The following GPRIN1 variants were observed in gnomAD, a reference collection of about 807,000 sequenced individuals.
GPRIN1 encodes G protein regulated inducer of neurite outgrowth 1.
In GPRIN1, 4 loss-of-function variants were observed where a neutral mutation model predicts 2.8. That is an observed-to-expected ratio of 1.45 (90% confidence interval 0.71 to 3.32). The LOEUF (loss-of-function observed/expected upper bound fraction) is 3.32, where lower values mean the gene tolerates loss of function less well. GPRIN1 is among the 30% of genes most tolerant of loss of function. The pLI is 0.01. For missense variants in GPRIN1, 1,322 were observed against 1,343.4 expected, an observed-to-expected ratio of 0.98 and a Z score of 0.25; for synonymous variants, 589 against 589.9, an observed-to-expected ratio of 1.00 and a Z score of 0.02.
Position 176,599,782 on chromosome 5 carries a change from C to A in GPRIN1, c.53G>T (p.Ser18Ile). ...AWLQLLQKDS[S>I]PPGPRPTAFF... ...GGCTGTGGGTCGGGGTCCTGGGGGG[C>A]TGGAATCCTTTTGAAGCAGCTGGAG... Residue 18 changes from serine to isoleucine, a missense_variant, in exon 2 of 2, where the codon AGC (serine) becomes ATC (isoleucine). Ser to Ile is a moderately radical substitution (Grantham distance 142). Transcript: ENST00000303991. 6.6e-7 allele frequency: 1 copy of A among 1,509,534 alleles called. No individual in the cohort carries two copies. The highest frequency in any genetic ancestry group is 8.9e-7 in the Non-Finnish European group (1 of 1,128,098). The allele number at this position is 1,509,534 out of a possible 1,614,324, so 93.5% of individuals were successfully genotyped here. A position where few individuals can be genotyped will look rare whatever the true frequency, so the allele number is the denominator to read the frequency against.
In GPRIN1 at chr5:176,599,400, T is replaced by C; in HGVS notation, c.435A>G (p.Arg145=). ...CCATCTTCTCTAAGAACATGGGATT[T>C]CTGTCATCTGAGGATTTGGGCTCAG... ...VKTEPKSSDD[R]NPMFLEKMDF... is the part of the protein sequence containing the mutation. The change falls in exon 2 of 2, where the codon AGA becomes AGG. Residue 145 remains arginine, a synonymous_variant. Transcript: ENST00000303991. 1 of 1,614,250 alleles carries C rather than the reference T, an allele frequency of 6.2e-7. No individual in the cohort carries two copies.
intron 1 of GPRIN1, among the ~76,000 whole-genome samples, chr5:176,608,842 G>GCAAATA (rs1276282304): frequency 6.6e-6 from 1 of 152,224 alleles, no homozygotes; most frequent in African/African-American, 2.4e-5. Flanking sequence ...CCAAGCACCT[G>GCAAATA]CAAATACCTC....
chr5:176,598,437 G>A lies in GPRIN1; in HGVS notation c.1398C>T (p.Pro466=). ...ATGTCTTTCTACTTCCAGCAGATAT[G>A]GGGTCCTCCCTTCTGGAGGACACCG... The part of the protein sequence containing the change: ...EDPVSSRRED[P]ISAGSRKTSS... The change falls in exon 2 of 2, where the codon CCC becomes CCT. Residue 466 remains proline, a synonymous_variant. Coordinates refer to ENST00000303991, the MANE Select transcript of GPRIN1 (RefSeq NM_052899.3). The A allele has an allele frequency of 6.2e-7, 1 of 1,614,058 alleles. No homozygotes were observed. The highest frequency in any genetic ancestry group is 8.5e-7 in the Non-Finnish European group (1 of 1,180,008).
intron 1 of GPRIN1, among the ~76,000 whole-genome samples, chr5:176,601,781 C>A (rs2065468745): frequency 6.6e-6 from 1 of 152,158 alleles, no homozygotes; most frequent in South Asian, 2.1e-4. Flanking sequence ...CACCCCACGT[C>A]TATCAGCAAA....
intron 1 of GPRIN1, among the ~76,000 whole-genome samples, chr5:176,601,251 C>T (rs1165799456): frequency 6.6e-6 from 1 of 152,172 alleles, no homozygotes; most frequent in African/African-American, 2.4e-5. Flanking sequence ...GGAGGCTGGG[C>T]TGAAGGAGCA....
In GPRIN1 at chr5:176,599,552, A is replaced by G; in HGVS notation, c.283T>C (p.Ser95Pro). 1 of 1,590,328 alleles carries G rather than the reference A, an allele frequency of 6.3e-7. No individual in the cohort carries two copies. Among genetic ancestry groups the G allele is most frequent in the Non-Finnish European group, 8.6e-7 (1 of 1,168,222 alleles). The part of the protein sequence containing the change: ...DGPRGSLACP[S>P]PTCFSPQESP... The stretch of plus-strand genomic sequence containing the variant: ...TCCTGGGGAGAGAAGCAGGTTGGGG[A>G]GGGGCAGGCCAGGCTCCCTCTGGGG... Residue 95 changes from serine to proline, a missense_variant, in exon 2 of 2, where the codon TCC becomes CCC. Ser to Pro is a moderately conservative substitution (Grantham distance 74). Around this residue, in one of 3 missense-constraint regions of GPRIN1, gnomAD observed 1,117 missense variants for 1,128.6 expected, o/e 0.99. Coordinates refer to ENST00000303991, the MANE Select transcript of GPRIN1 (RefSeq NM_052899.3).
At position 176,597,212 on chromosome 5, in the gene GPRIN1, G is replaced by T; in HGVS notation, c.2623C>A (p.Pro875Thr). Residue 875 changes from proline (P) to threonine (T), a missense_variant, in exon 2 of 2, where the codon CCC (proline) becomes ACC (threonine). Transcript: ENST00000303991. The surrounding 1 kb of genome is among the most constrained non-coding windows in gnomAD (Gnocchi z 6.1). Reference protein sequence around the residue: ...AAETRSVATGPMTPQAAAPPA... With the variant: ...AAETRSVATGTMTPQAAAPPA... The stretch of plus-strand genomic sequence containing the variant: ...GGCGCGGCGGCTTGAGGTGTCATGG[G>T]CCCAGTGGCCACGGAGCGCGTCTCG... The T allele has an allele frequency of 7.0e-6, 9 of 1,284,308 alleles. No individual in the cohort carries two copies. Among genetic ancestry groups the T allele is most frequent in the Non-Finnish European group, 7.9e-6 (8 of 1,016,406 alleles). The allele number at this position is 1,284,308 out of a possible 1,614,324, so 79.6% of individuals were successfully genotyped here. A position where few individuals can be genotyped will look rare whatever the true frequency, so the allele number is the denominator to read the frequency against.
At chr5:176,606,153 G>A (rs1759217484) in intron 1 of GPRIN1, among the ~76,000 whole-genome samples, 1 of 152,106 alleles carries the variant, frequency 6.6e-6, no homozygotes, top group South Asian at 2.1e-4. Flanking sequence ...CTCCTCCTTG[G>A]GGACCCTGAA....
Position 176,597,716 on chromosome 5 carries a change from A to G in GPRIN1, c.2119T>C (p.Leu707=), listed in dbSNP as rs1430878802. The change falls in exon 2 of 2, where the codon TTG becomes CTG. Residue 707 remains leucine (L), a synonymous_variant. Transcript: ENST00000303991. The surrounding 1 kb of genome is among the most constrained non-coding windows in gnomAD (Gnocchi z 6.1). The part of the protein sequence containing the change: ...APSRKTESPS[L]GKVVPLSLEK... Reference sequence around the variant, plus strand: ...AGACTCAGGGGGACCACCTTCCCCAAGGATGGGGACTCCGTTTTTCTGGAA... The same window carrying G: ...AGACTCAGGGGGACCACCTTCCCCAGGGATGGGGACTCCGTTTTTCTGGAA... 6.3e-7 allele frequency: 1 copy of G among 1,596,812 alleles called. No homozygotes were observed. The highest frequency in any genetic ancestry group is 1.1e-5 in the South Asian group (1 of 89,504).
At chr5:176,605,468 A>G (rs6883345) in intron 1 of GPRIN1, among the ~76,000 whole-genome samples, 3,482 of 152,220 alleles carry the variant, frequency 0.023, 139 homozygotes, top group African/African-American at 0.079. Context: ...CCCTTGGCCT[A>G]TGGAAAAGGA....
Position 176,602,656 on chromosome 5 carries a change from C to G in GPRIN1, c.-43-2779G>C, listed in dbSNP as rs1233380210. On this transcript the variant is annotated intron_variant, in intron 1 of 1. Coordinates refer to ENST00000303991, the MANE Select transcript of GPRIN1 (RefSeq NM_052899.3). This position sits in a 1 kb window ranked among gnomAD's most constrained non-coding sequence, Gnocchi z 4.4. Reference sequence around the variant, plus strand: ...TACAACGCGCATAGCATTTGAGCCACCAAGCCCACCTCTAAGCATGGTCCT... The same window carrying G: ...TACAACGCGCATAGCATTTGAGCCAGCAAGCCCACCTCTAAGCATGGTCCT... Among the ~76,000 whole-genome samples the G allele has an allele frequency of 6.6e-6, 1 of 152,196 alleles. No homozygotes were observed. Among genetic ancestry groups the G allele is most frequent in the African/African-American group, 2.4e-5 (1 of 41,444 alleles).
Position 176,598,993 on chromosome 5 carries a change from A to AC in GPRIN1, c.841dup (p.Val281GlyfsTer192). 1 of 1,614,058 alleles carries AC rather than the reference A, an allele frequency of 6.2e-7. No individual in the cohort carries two copies. Among genetic ancestry groups the AC allele is most frequent in the Non-Finnish European group, 8.5e-7 (1 of 1,179,976 alleles). ...TCTCTTTCCCGACAATACAAGATCT[A>AC]CCTTTTCTGCAGATGTAGGAGCGAC... On this transcript the variant is annotated frameshift_variant, in exon 2 of 2. Transcript: ENST00000303991. LOFTEE classifies it low-confidence loss of function (END_TRUNC).
At chr5:176,605,490 A>G (rs1405263361) in intron 1 of GPRIN1, among the ~76,000 whole-genome samples, 1 of 152,194 alleles carries the variant, frequency 6.6e-6, no homozygotes, top group Non-Finnish European at 1.5e-5. Context: ...GTTATAAGCC[A>G]GGGTGACCGG....
In GPRIN1 at chr5:176,598,504, G is replaced by T; in HGVS notation, c.1331C>A (p.Ser444Tyr). ...GGATACAGTTCCTGCCTTTCCCACA[G>T]ACACACGCTCTGCCTGTCCAGGAGA... ...LLSPGQAERV[S>Y]VGKAGTVSPG... Residue 444 changes from serine to tyrosine, a missense_variant, in exon 2 of 2, where the codon TCT becomes TAT. Transcript: ENST00000303991. 3.7e-6 allele frequency: 6 copies of T among 1,614,148 alleles called. No homozygotes were observed. Among genetic ancestry groups the T allele is most frequent in the South Asian group, 1.1e-5 (1 of 91,082 alleles).
intron 1 of GPRIN1, among the ~76,000 whole-genome samples, chr5:176,608,764 T>A (rs954384261): frequency 1.3e-5 from 2 of 152,266 alleles, no homozygotes; most frequent in African/African-American, 4.8e-5. Context: ...TGGCCAGCCA[T>A]TCCTTTCCCT....
At chr5:176,603,572 G>A (rs1759178981) in intron 1 of GPRIN1, among the ~76,000 whole-genome samples, 1 of 152,174 alleles carries the variant, frequency 6.6e-6, no homozygotes, top group African/African-American at 2.4e-5. Flanking sequence ...GTGGGGGAGG[G>A]GGACCATCAC....
At position 176,598,468 on chromosome 5, in the gene GPRIN1, T is replaced by C; in HGVS notation, c.1367A>G (p.Glu456Gly). ...GKAGTVSPGK[E>G]DPVSSRREDP... ...CTCCCTTCTGGAGGACACCGGGTCC[T>C]CTTTTCCTGGGGATACAGTTCCTGC... is the stretch of plus-strand genomic sequence containing the variant. Residue 456 changes from glutamate (E) to glycine (G), a missense_variant, in exon 2 of 2, where the codon GAG becomes GGG. By Grantham distance (98) the Glu-to-Gly change is moderately conservative. Transcript: ENST00000303991. 1 of 1,614,130 alleles carries C rather than the reference T, an allele frequency of 6.2e-7. No individual in the cohort carries two copies. Among genetic ancestry groups the C allele is most frequent in the Non-Finnish European group, 8.5e-7 (1 of 1,180,026 alleles).
At chr5:176,605,198 A>G (rs1276361949) in intron 1 of GPRIN1, among the ~76,000 whole-genome samples, 1 of 151,584 alleles carries the variant, frequency 6.6e-6, no homozygotes, top group African/African-American at 2.4e-5. Context: ...GGTTCAAGCA[A>G]TTCTCGTACC....
At position 176,598,678 on chromosome 5, in the gene GPRIN1, C is replaced by T. The variant is rs756416237; in HGVS notation, c.1157G>A (p.Arg386His). ...AGTATCCGTGTGGCCAGACACAGGA[C>T]GCCCCTCTCCTGAGGAGGCAGGGTC... is the stretch of plus-strand genomic sequence containing the variant. Reference protein sequence around the residue: ...KMDPASSGEGRPVSGHTDTTA... With the variant: ...KMDPASSGEGHPVSGHTDTTA... Residue 386 changes from arginine (R) to histidine (H), a missense_variant, in exon 2 of 2, where the codon CGT (arginine) becomes CAT (histidine). By Grantham distance (29) the Arg-to-His change is conservative. Around this residue, in one of 3 missense-constraint regions of GPRIN1, gnomAD observed 1,117 missense variants for 1,128.6 expected, o/e 0.99. Coordinates refer to ENST00000303991, the MANE Select transcript of GPRIN1 (RefSeq NM_052899.3). The T allele has an allele frequency of 1.2e-5, 20 of 1,613,998 alleles. No homozygotes were observed. Among genetic ancestry groups the T allele is most frequent in the Middle Eastern group, 1.6e-4 (1 of 6,084 alleles).
Sources: gnomAD v4.1 joint callset for allele counts (sites outside exome capture counted in the v4.1 genomes callset) on GRCh38, gnomAD v4.1.1 for gene constraint, gnomAD v4.1.1 regional missense constraint, Gnocchi (gnomAD v3.1) non-coding constraint, MANE v1.5 for transcripts, NCBI Gene and HGNC (gene_info 2026-07-23, HGNC 2026-07-21) for gene names.